Variants in CAMKK1 observed in about 807,000 individuals in gnomAD.
The protein encoded by CAMKK1 is calcium/calmodulin-dependent protein kinase kinase 1.
CAMKK1 carries 20 observed loss-of-function variants against 63.5 expected under a neutral mutation model. The observed-to-expected ratio is 0.32, with a 90% CI of 0.22 to 0.46. The LOEUF is 0.46. Ranked by LOEUF, CAMKK1 falls within the 20% of genes least tolerant of loss-of-function variation. The probability of loss-of-function intolerance (pLI) is 1.00; values close to 1 mark genes in which losing one functional copy is unlikely to be tolerated. For synonymous variants in CAMKK1, 253 were observed against 269.0 expected (o/e 0.94, Z 0.58); for missense variants, 588 against 658.1 (o/e 0.89, Z 1.17).
chr17:3,873,199 T>G (rs1340457477), intron 11 of CAMKK1, among the ~76,000 whole-genome samples: 1 of 152,224 alleles, frequency 6.6e-6, no homozygotes, highest in Non-Finnish European at 1.5e-5. Flanking sequence ...GCACCTCCCC[T>G]TAGGTGTCTG....
intron 12 of CAMKK1, among the ~76,000 whole-genome samples, chr17:3,870,831 G>A (rs2054816060): frequency 6.6e-6 from 1 of 152,110 alleles, no homozygotes; most frequent in South Asian, 2.1e-4. Context: ...CCTCAGCAGG[G>A]GGTATAGCAG....
Position 3,883,905 on chromosome 17 carries a change from G to A in CAMKK1, c.441C>T (p.Asn147=), listed in dbSNP as rs776775275. ...TCACATAGTGTCTGTCTTCACTTTC[G>A]TTGTAGGCCAGCCTCACCACACCGT... The part of the protein sequence containing the change: ...GAYGVVRLAY[N]ESEDRHYAMK... The change falls in exon 4 of 16, where the codon AAC becomes AAT. Residue 147 remains asparagine, a synonymous_variant. Coordinates refer to ENST00000348335, the MANE Select transcript of CAMKK1 (RefSeq NM_032294.3). This position sits in a 1 kb window ranked among gnomAD's most constrained non-coding sequence, Gnocchi z 4.7. The A allele has an allele frequency of 1.4e-5, 22 of 1,613,526 alleles. No individual in the cohort carries two copies. Among genetic ancestry groups the A allele is most frequent in the Admixed American group, 3.3e-5 (2 of 59,958 alleles).
rs144475753 is a variant in CAMKK1 at position 3,862,621 on chromosome 17, C to G, written c.1446-338G>C. On this transcript the variant is annotated intron_variant, in intron 15 of 15. Transcript: ENST00000348335. The surrounding 1 kb of genome is among the most constrained non-coding windows in gnomAD (Gnocchi z 4.1). ...ATCAGCCTAATCAAGGGCCTTCTCT[C>G]TGTGTGTGTGGTTTTGTTGTTGTTT... is the stretch of plus-strand genomic sequence containing the variant. Among the ~76,000 whole-genome samples the G allele has an allele frequency of 8.5e-5, 13 of 152,258 alleles. No homozygotes were observed. Among genetic ancestry groups the G allele is most frequent in the South Asian group, 4.1e-4 (2 of 4,830 alleles).
chr17:3,886,086 C>T (rs1309069230), intron 1 of CAMKK1, among the ~76,000 whole-genome samples: 1 of 152,222 alleles, frequency 6.6e-6, no homozygotes, highest in Admixed American at 6.5e-5. Flanking sequence ...TCAGCTCAGC[C>T]CCAGCACAGC....
chr17:3,869,379 G>A, intron 14 of CAMKK1, 108 bp downstream of exon 14: 1 of 1,469,568 alleles, frequency 6.8e-7, no homozygotes, highest in Non-Finnish European at 9.2e-7. Context: ...CAGGATCACA[G>A]CTGGCTGGCC....
chr17:3,883,656 T>C lies in CAMKK1; in HGVS notation c.463-176A>G, dbSNP rs1281840337. Among the ~76,000 whole-genome samples the C allele has an allele frequency of 6.6e-6, 1 of 151,964 alleles. No homozygotes were observed. The highest frequency in any genetic ancestry group is 1.9e-4 in the East Asian group (1 of 5,192). ...GGTGGCCATATCTGAGCCTAGCCCT[T>C]CCCCTTATTCCCCCAGCAAGCCTTT... On this transcript the variant is annotated intron_variant, in intron 4 of 15. Coordinates refer to ENST00000348335, the MANE Select transcript of CAMKK1 (RefSeq NM_032294.3). The surrounding 1 kb of genome is among the most constrained non-coding windows in gnomAD (Gnocchi z 4.7).
intron 9 of CAMKK1, 185 bp downstream of exon 9, chr17:3,880,161 A>C (rs1597475101): frequency 5.0e-6 from 3 of 597,248 alleles, no homozygotes; most frequent in Non-Finnish European, 3.0e-6. Context: ...AGTGGAGTCC[A>C]CCGCCCGCCC....
intron 9 of CAMKK1, among the ~76,000 whole-genome samples, chr17:3,876,840 C>T (rs768419110): frequency 2.9e-4 from 44 of 151,494 alleles, no homozygotes; most frequent in Admixed American, 9.9e-4. Context: ...TCACTGCAGC[C>T]TCCACCTCCC....
rs1437835006 is a variant in CAMKK1, at chr17:3,882,455, G to A, written c.685+73C>T. On this transcript the variant is annotated intron_variant, in intron 7 of 15. Transcript: ENST00000348335. The surrounding 1 kb of genome is among the most constrained non-coding windows in gnomAD (Gnocchi z 4.3). ...GTGCATTTACACCGCCCACCTGAAG[G>A]TCATACATGTCCCAAGGGAGCCCTT... The A allele has an allele frequency of 6.3e-7, 1 of 1,585,850 alleles. No individual in the cohort carries two copies. Among genetic ancestry groups the A allele is most frequent in the South Asian group, 1.1e-5 (1 of 90,068 alleles).
Position 3,880,444 on chromosome 17 carries a change from A to C in CAMKK1, c.708-10T>G. On this transcript the variant is annotated splice_polypyrimidine_tract_variant and intron_variant, in intron 8 of 15. Transcript: ENST00000348335. The stretch of plus-strand genomic sequence containing the variant: ...CACTTCCATGACGGGCCTATGGAGA[A>C]GGATGCGGGGAGGGGCATTCAGCTG... 6.2e-7 allele frequency: 1 copy of C among 1,611,290 alleles called. No homozygotes were observed. The highest frequency in any genetic ancestry group is 8.5e-7 in the Non-Finnish European group (1 of 1,178,452).
At position 3,876,265 on chromosome 17, in the gene CAMKK1, G is replaced by A. The variant is rs1023929150; in HGVS notation, c.954C>T (p.Ala318=). 4 of 1,614,094 alleles carry A rather than the reference G, an allele frequency of 2.5e-6. No individual in the cohort carries two copies. The African/African-American group carries it at 5.3e-5, about 22-fold the overall frequency. Residue 318 remains alanine (A), a synonymous_variant, in exon 10 of 16, where the codon GCC becomes GCT. Coordinates refer to ENST00000348335, the MANE Select transcript of CAMKK1 (RefSeq NM_032294.3). Reference sequence around the variant, plus strand: ...GGCCGGAATCAGAAATGGCCTCGGGGGCCATGAATGCTGGGGTTCCCGCCG... The same window carrying A: ...GGCCGGAATCAGAAATGGCCTCGGGAGCCATGAATGCTGGGGTTCCCGCCG... ...SSTAGTPAFM[A]PEAISDSGQS...
At chr17:3,877,290 G>A (rs1414620211) in intron 9 of CAMKK1, among the ~76,000 whole-genome samples, 1 of 152,160 alleles carries the variant, frequency 6.6e-6, no homozygotes, top group Non-Finnish European at 1.5e-5. Flanking sequence ...TGGCACCCCA[G>A]GCCTTGGGAC....
intron 10 of CAMKK1, 50 bp from the exon 11 acceptor site, chr17:3,873,512 G>A (rs376271392): frequency 1.3e-6 from 2 of 1,584,196 alleles, no homozygotes; most frequent in Non-Finnish European, 1.7e-6. Context: ...AGCCACCTCT[G>A]CCCACCCAGC....
chr17:3,882,994 C>A lies in CAMKK1; in HGVS notation c.648+48G>T. The A allele has an allele frequency of 6.2e-7, 1 of 1,605,394 alleles. No homozygotes were observed. The highest frequency in any genetic ancestry group is 8.5e-7 in the Non-Finnish European group (1 of 1,174,712). ...GGCTCCCCAGCACCAGAAGCGGCTC[C>A]CATGAGACTCAGGTGCTGGTTCCCA... On this transcript the variant is annotated intron_variant, in intron 6 of 15. Coordinates refer to ENST00000348335, the MANE Select transcript of CAMKK1 (RefSeq NM_032294.3). This position sits in a 1 kb window ranked among gnomAD's most constrained non-coding sequence, Gnocchi z 4.3.
At chr17:3,885,082 G>A (rs537520897) in intron 2 of CAMKK1, among the ~76,000 whole-genome samples, 1 of 152,320 alleles carries the variant, frequency 6.6e-6, no homozygotes, top group East Asian at 1.9e-4. Context: ...TAGGGGACCA[G>A]GGAGAGACCT....
intron 14 of CAMKK1, among the ~76,000 whole-genome samples, chr17:3,868,630 G>A (rs554786909): frequency 1.1e-4 from 17 of 152,242 alleles, no homozygotes; most frequent in Non-Finnish European, 1.5e-4. Flanking sequence ...GGTGACTGCT[G>A]CCGCTGAGCA....
rs1350518481 is a variant in CAMKK1 at position 3,884,673 on chromosome 17, C to A, written c.361-246G>T. Among the ~76,000 whole-genome samples, 2 of 152,206 alleles carry A rather than the reference C, an allele frequency of 1.3e-5. No individual in the cohort carries two copies. The highest frequency in any genetic ancestry group is 3.8e-4 in the East Asian group (2 of 5,200). ...ATGGCTGTGCCTTGTTCCCCAGAAG[C>A]AGTGGTGAAGGGAAAACGCTAATTC... On this transcript the variant is annotated intron_variant, in intron 2 of 15. Transcript: ENST00000348335. This position sits in a 1 kb window ranked among gnomAD's most constrained non-coding sequence, Gnocchi z 4.5.
At chr17:3,865,708 G>T in intron 15 of CAMKK1, 200 bp downstream of exon 15, 1 of 1,418,602 alleles carries the variant, frequency 7.0e-7, no homozygotes, top group Non-Finnish European at 9.2e-7. Flanking sequence ...CAGGAATGAA[G>T]CAAGAGCTGG....
At chr17:3,867,680 G>A (rs536784185) in intron 14 of CAMKK1, among the ~76,000 whole-genome samples, 27 of 152,236 alleles carry the variant, frequency 1.8e-4, no homozygotes, top group African/African-American at 6.5e-4. Context: ...GGCAGGGATT[G>A]AGCCAGCTGG....
Sources: gnomAD v4.1 joint callset for allele counts (sites outside exome capture counted in the v4.1 genomes callset) on GRCh38, gnomAD v4.1.1 for gene constraint, Gnocchi (gnomAD v3.1) non-coding constraint, MANE v1.5 for transcripts, NCBI Gene and HGNC (gene_info 2026-07-23, HGNC 2026-07-21) for gene names.